ATP10B: variants seen among roughly 807,000 people sequenced by gnomAD.
ATP10B encodes the protein ATPase phospholipid transporting 10B (putative).
Under a neutral mutation model 141.2 loss-of-function variants are expected in ATP10B, and 122 were observed. The ratio of observed to expected loss-of-function variants is 0.86; its 90% confidence interval spans 0.75 to 1.00. The LOEUF is 1.00. ATP10B is among the 50% of genes least tolerant of loss of function. The probability of loss-of-function intolerance (pLI) is 0.00; values close to 1 mark genes in which losing one functional copy is unlikely to be tolerated. For missense variants in ATP10B, 1,876 were observed against 1,825.3 expected (o/e 1.03, Z -0.51); for synonymous variants, 685 against 692.0 (o/e 0.99, Z 0.16).
chr5:160,583,287 T>C (rs1374455755), intron 24 of ATP10B, among the ~76,000 whole-genome samples: 1 of 152,198 alleles, frequency 6.6e-6, no homozygotes, highest in Admixed American at 6.5e-5. Flanking sequence ...TTTTTGTTGA[T>C]GTTGATGCTA....
chr5:160,636,249 T>C lies in ATP10B; in HGVS notation c.1061A>G (p.Asn354Ser), dbSNP rs750914440. 1.1e-5 allele frequency: 18 copies of C among 1,613,720 alleles called. No homozygotes were observed. The highest frequency in any genetic ancestry group is 1.5e-5 in the Non-Finnish European group (18 of 1,179,764). The part of the protein sequence containing the change: ...EHPPFDVPDA[N>S]GSFLPSALGG... The stretch of plus-strand genomic sequence containing the variant: ...AAGGGCACTGGGAAGGAAGCTGCCA[T>C]TGGCATCTGGCACATCGAAGGGAGG... The change falls in exon 11 of 26, where the codon AAT (asparagine) becomes AGT (serine). Residue 354 changes from asparagine to serine, a missense_variant. By Grantham distance (46) the Asn-to-Ser change is conservative. Coordinates refer to ENST00000327245, the MANE Select transcript of ATP10B (RefSeq NM_025153.3).
the ATP10B span, among the ~76,000 whole-genome samples, chr5:160,879,865 C>A: frequency 2.0e-4 from 31 of 151,950 alleles, 1 homozygote. Context: ...AAAGAATAGA[C>A]AACTTCTGGA....
At chr5:160,703,011 A>G (rs1366608613) in intron 3 of ATP10B, among the ~76,000 whole-genome samples, 1 of 152,158 alleles carries the variant, frequency 6.6e-6, no homozygotes, top group Non-Finnish European at 1.5e-5. Context: ...ATATACTGGA[A>G]CTGAAACTGT....
the ATP10B span, among the ~76,000 whole-genome samples, chr5:160,858,679 T>C: frequency 6.6e-6 from 1 of 151,958 alleles, no homozygotes; most frequent in Non-Finnish European, 1.5e-5. Context: ...TACCTTCCTG[T>C]GGTTGTTTGA....
the ATP10B span, among the ~76,000 whole-genome samples, chr5:160,902,893 G>C: frequency 6.6e-6 from 1 of 152,198 alleles, no homozygotes; most frequent in Admixed American, 6.5e-5. Context: ...GTAAGCCTTG[G>C]AAGTTTGTAA....
chr5:160,620,875 G>C lies in ATP10B; in HGVS notation c.1888C>G (p.Leu630Val), dbSNP rs892526774. 2.5e-6 allele frequency: 4 copies of C among 1,614,088 alleles called. No individual in the cohort carries two copies. In the African/African-American group the frequency reaches 4.0e-5, roughly 16 times the overall value. ...GAGAATGACTGGCTGAGGCTCAATA[G>C]CTTCAACTTCTGGAAGAGCTGCTGA... is the stretch of plus-strand genomic sequence containing the variant. ...KIQQLFQKLKLLSLSQSFSST... is the reference protein window; with the variant it reads ...KIQQLFQKLKVLSLSQSFSST... The change falls in exon 15 of 26, where the codon CTA becomes GTA. Residue 630 changes from leucine (L) to valine (V), a missense_variant. Transcript: ENST00000327245.
intron 7 of ATP10B, among the ~76,000 whole-genome samples, chr5:160,653,905 CGTATATACATATATAAATAT>C: frequency 3.2e-5 from 1 of 31,592 alleles, no homozygotes; most frequent in Non-Finnish European, 5.2e-5. Context: ...GTAGTATATA[CGTATATACATATATAAATAT>C]GTTGTATATA....
At chr5:160,645,501 A>AG (rs1256462052) in intron 8 of ATP10B, among the ~76,000 whole-genome samples, 2 of 152,222 alleles carry the variant, frequency 1.3e-5, no homozygotes, top group African/African-American at 4.8e-5. Context: ...TAGACCTCAC[A>AG]GGAGTGGCCC....
At chr5:160,686,879 T>C in intron 5 of ATP10B, 13 of 883,234 alleles carry the variant, frequency 1.5e-5, no homozygotes, top group Non-Finnish European at 1.8e-5. Flanking sequence ...AATTACAATA[T>C]TGAGGGTGAT....
At chr5:160,830,793 G>A (rs1775017085) in intron 1 of ATP10B, among the ~76,000 whole-genome samples, 1 of 151,988 alleles carries the variant, frequency 6.6e-6, no homozygotes, top group Non-Finnish European at 1.5e-5. Context: ...AATCTAGAAG[G>A]ATCACTGACA....
intron 3 of ATP10B, among the ~76,000 whole-genome samples, chr5:160,692,307 T>A (rs2127751766): frequency 6.6e-6 from 1 of 152,322 alleles, no homozygotes; most frequent in East Asian, 1.9e-4. Context: ...TATTATTCAT[T>A]ATAATGATAA....
At chr5:160,914,031 T>C in the ATP10B span, among the ~76,000 whole-genome samples, 3 of 152,244 alleles carry the variant, frequency 2.0e-5, no homozygotes, top group Admixed American at 6.5e-5. Context: ...AATTGCCAAA[T>C]TGTTCACTGT....
At position 160,648,808 on chromosome 5, in the gene ATP10B, C is replaced by T. The variant is rs369294609; in HGVS notation, c.761+363G>A. Among the ~76,000 whole-genome samples the T allele has an allele frequency of 1.1e-4, 16 of 152,094 alleles. No individual in the cohort carries two copies. The East Asian group carries it at 2.3e-3, about 22-fold the overall frequency. On this transcript the variant is annotated intron_variant, in intron 8 of 25. Transcript: ENST00000327245. Reference sequence around the variant, plus strand: ...ATTCAAACCCAGATCTGTCCAATTCCAAAGTCCCTGTTCTTACCTACAATG... The same window carrying T: ...ATTCAAACCCAGATCTGTCCAATTCTAAAGTCCCTGTTCTTACCTACAATG...
chr5:160,839,584 G>C (rs1183323367), intron 1 of ATP10B, among the ~76,000 whole-genome samples: 2 of 152,064 alleles, frequency 1.3e-5, no homozygotes, highest in African/African-American at 4.8e-5. Flanking sequence ...AAAAAACACA[G>C]TAAATATAGT....
chr5:160,766,332 AAGAGAAC>A (rs1480271546), intron 2 of ATP10B, among the ~76,000 whole-genome samples: 1 of 140,882 alleles, frequency 7.1e-6, no homozygotes, highest in Non-Finnish European at 1.5e-5. Context: ...TGAGTGGATA[AAGAGAAC>A]ACACACACAC....
In ATP10B at chr5:160,632,382, T is replaced by C; in HGVS notation, c.1382-15A>G. 6.2e-7 allele frequency: 1 copy of C among 1,607,324 alleles called. No homozygotes were observed. The highest frequency in any genetic ancestry group is 8.5e-7 in the Non-Finnish European group (1 of 1,174,124). ...CAGTCGCTTAGCTGCAAGAAAGGAG[T>C]CCTGTTATTGCACTAGTTGTACCTC... On this transcript the variant is annotated splice_polypyrimidine_tract_variant and intron_variant, in intron 12 of 25. Transcript: ENST00000327245.
intron 1 of ATP10B, among the ~76,000 whole-genome samples, chr5:160,811,996 GAGAGACAGAGAC>G (rs1295867615): frequency 2.1e-5 from 3 of 144,806 alleles, no homozygotes; most frequent in Admixed American, 6.9e-5. Context: ...GCTCTGAACA[GAGAGACAGAGAC>G]AGAGACAGAG....
chr5:160,872,707 G>A, the ATP10B span, among the ~76,000 whole-genome samples: 7 of 152,120 alleles, frequency 4.6e-5, no homozygotes, highest in Admixed American at 1.3e-4. Context: ...TTATTTCAGC[G>A]TTCTCTATTC....
At position 160,620,598 on chromosome 5, in the gene ATP10B, G is replaced by C. The variant is rs780822961; in HGVS notation, c.2165C>G (p.Pro722Arg). Residue 722 changes from proline (P) to arginine (R), a missense_variant, in exon 15 of 26, where the codon CCT becomes CGT. Pro to Arg is a moderately radical substitution (Grantham distance 103). Transcript: ENST00000327245. ...RPEFCYEAES[P>R]DEAALVHAAH... is the part of the protein sequence containing the mutation. The stretch of plus-strand genomic sequence containing the variant: ...AGCGTGCACCAGGGCGGCCTCATCA[G>C]GGCTCTCAGCCTCGTAACAGAACTC... 3.1e-6 allele frequency: 5 copies of C among 1,613,876 alleles called. No individual in the cohort carries two copies. In the South Asian group the frequency reaches 4.4e-5, roughly 14 times the overall value.
Sources: gnomAD v4.1 joint callset for allele counts (sites outside exome capture counted in the v4.1 genomes callset) on GRCh38, gnomAD v4.1.1 for gene constraint, MANE v1.5 for transcripts, NCBI Gene and HGNC (gene_info 2026-07-23, HGNC 2026-07-21) for gene names.